CNTN3: variants seen among roughly 807,000 people sequenced by gnomAD.
CNTN3 encodes the protein contactin-3.
Under a neutral mutation model 119.1 loss-of-function variants are expected in CNTN3, and 60 were observed. That is an observed-to-expected ratio of 0.50 (90% confidence interval 0.41 to 0.62). The LOEUF (loss-of-function observed/expected upper bound fraction) is 0.62, where lower values mean the gene tolerates loss of function less well. Ranked by LOEUF, CNTN3 falls within the 20% of genes least tolerant of loss-of-function variation. The probability of loss-of-function intolerance (pLI) is 0.00; values close to 1 mark genes in which losing one functional copy is unlikely to be tolerated. For synonymous variants in CNTN3, 450 were observed against 438.7 expected (o/e 1.03, Z -0.32); for missense variants, 1,101 against 1,242.4 (o/e 0.89, Z 1.71).
chr3:74,444,676 T>G (rs1400227213), intron 4 of CNTN3, among the ~76,000 whole-genome samples: 1 of 152,168 alleles, frequency 6.6e-6, no homozygotes, highest in Non-Finnish European at 1.5e-5. Flanking sequence ...TAGCTTTATT[T>G]CTAATTGTCA....
At chr3:74,429,134 A>G (rs546438456) in intron 4 of CNTN3, among the ~76,000 whole-genome samples, 2 of 152,190 alleles carry the variant, frequency 1.3e-5, no homozygotes, top group East Asian at 3.9e-4. Flanking sequence ...TATAATTCTG[A>G]TCGAAATATC....
chr3:74,570,671 A>T (rs1704299286), intron 1 of CNTN3, among the ~76,000 whole-genome samples: 1 of 152,126 alleles, frequency 6.6e-6, no homozygotes, highest in Admixed American at 6.6e-5. Flanking sequence ...TTTATGTATC[A>T]TATTAACTCT....
chr3:74,489,582 A>AT (rs1169669079), intron 3 of CNTN3, among the ~76,000 whole-genome samples: 3 of 151,820 alleles, frequency 2.0e-5, no homozygotes, highest in African/African-American at 7.3e-5. Context: ...TGAAGCTCAC[A>AT]TTTTTTAGAT....
intron 4 of CNTN3, among the ~76,000 whole-genome samples, chr3:74,456,294 T>C (rs1702268392): frequency 6.6e-6 from 1 of 152,072 alleles, no homozygotes; most frequent in Non-Finnish European, 1.5e-5. Flanking sequence ...TTAGTTACTT[T>C]TAAACTGCTT....
intron 1 of CNTN3, among the ~76,000 whole-genome samples, chr3:74,609,971 G>C (rs1705052930): frequency 6.6e-6 from 1 of 152,112 alleles, no homozygotes. Context: ...GGAAATCAGA[G>C]AGCCCTCTCT....
At chr3:74,501,074 C>T (rs1703158622) in intron 2 of CNTN3, among the ~76,000 whole-genome samples, 1 of 151,946 alleles carries the variant, frequency 6.6e-6, no homozygotes, top group Admixed American at 6.6e-5. Flanking sequence ...TTGCCCTCAG[C>T]TTCCAGGAGG....
At chr3:74,315,814 G>A (rs767003115) in intron 13 of CNTN3, among the ~76,000 whole-genome samples, 39 of 152,048 alleles carry the variant, frequency 2.6e-4, no homozygotes, top group Non-Finnish European at 3.7e-4. Context: ...ATTAAGTCAC[G>A]ACGGATTAAA....
chr3:74,336,855 ATTGGATGACAAAAGATGCTCCACCAAT>A (rs1232542399), intron 11 of CNTN3, among the ~76,000 whole-genome samples, 197 bp from the exon 12 acceptor site: 1 of 152,000 alleles, frequency 6.6e-6, no homozygotes, highest in Non-Finnish European at 1.5e-5. Context: ...CACGCACAGC[ATTGGATGACAAAAGATGCTCCACCAAT>A]TTGAACTTTG....
chr3:74,470,581 G>C (rs906629648), intron 4 of CNTN3, among the ~76,000 whole-genome samples: 1 of 152,110 alleles, frequency 6.6e-6, no homozygotes, highest in Non-Finnish European at 1.5e-5. Context: ...ATTTCATCCA[G>C]GAGCATTTGG....
chr3:74,613,106 T>C (rs1705109447), intron 1 of CNTN3, among the ~76,000 whole-genome samples: 1 of 152,150 alleles, frequency 6.6e-6, no homozygotes, highest in African/African-American at 2.4e-5. Context: ...TATAAGCTCT[T>C]TCAAAGGCAA....
chr3:74,577,597 C>T (rs1273277805), intron 1 of CNTN3, among the ~76,000 whole-genome samples: 1 of 152,046 alleles, frequency 6.6e-6, no homozygotes, highest in Non-Finnish European at 1.5e-5. Flanking sequence ...TCCATATGTT[C>T]TCATTCACCC....
At chr3:74,344,296 C>G (rs1309381500) in intron 11 of CNTN3, among the ~76,000 whole-genome samples, 1 of 151,492 alleles carries the variant, frequency 6.6e-6, no homozygotes, top group Non-Finnish European at 1.5e-5. Flanking sequence ...TGAGTTCTTG[C>G]AAGATAGAAT....
Position 74,295,146 on chromosome 3 carries a change from C to T in CNTN3, c.2492G>A (p.Ser831Asn), listed in dbSNP as rs991249558. Residue 831 changes from serine to asparagine, a missense_variant, in exon 19 of 23, where the codon AGC (serine) becomes AAC (asparagine). Coordinates refer to ENST00000263665, the MANE Select transcript of CNTN3 (RefSeq NM_020872.3). ...VSWNTIPWKL[S>N]NGHLLGYEVR... Reference sequence around the variant, plus strand: ...CTCATAGCCCAGTAAATGTCCATTGCTCAACTTCCAAGGAATGGTGTTCCA... The same window carrying T: ...CTCATAGCCCAGTAAATGTCCATTGTTCAACTTCCAAGGAATGGTGTTCCA... The T allele has an allele frequency of 3.7e-6, 6 of 1,611,886 alleles. No homozygotes were observed. In the African/African-American group the frequency reaches 6.7e-5, roughly 18 times the overall value.
chr3:74,446,924 A>G (rs954039935), intron 4 of CNTN3, among the ~76,000 whole-genome samples: 2 of 152,150 alleles, frequency 1.3e-5, no homozygotes, highest in African/African-American at 4.8e-5. Context: ...TTCTGTACAA[A>G]TGTTCCATAT....
At chr3:74,449,771 T>C (rs1702113850) in intron 4 of CNTN3, among the ~76,000 whole-genome samples, 1 of 152,142 alleles carries the variant, frequency 6.6e-6, no homozygotes, top group African/African-American at 2.4e-5. Context: ...TGGTTTTCTA[T>C]CAAATACTCA....
In CNTN3 at chr3:74,397,371, C is replaced by T. The variant is rs536041635; in HGVS notation, c.455-25972G>A. ...CATACAAAGAGATAAATGCTGTTTACATGCCTGCAAATACATCTATTCTGC... is the reference window on the plus strand; with the variant it reads ...CATACAAAGAGATAAATGCTGTTTATATGCCTGCAAATACATCTATTCTGC... On this transcript the variant is annotated intron_variant, in intron 5 of 22. Coordinates refer to ENST00000263665, the MANE Select transcript of CNTN3 (RefSeq NM_020872.3). 2.4e-4 allele frequency among the ~76,000 whole-genome samples: 37 copies of T among 152,234 alleles called. 2 individuals are homozygous for T. In the South Asian group the frequency reaches 7.0e-3, roughly 29 times the overall value.
intron 1 of CNTN3, among the ~76,000 whole-genome samples, chr3:74,567,873 G>A (rs1005358349): frequency 3.3e-5 from 5 of 152,174 alleles, no homozygotes; most frequent in Middle Eastern, 3.4e-3. Context: ...ACTAGATTCC[G>A]CCTCCTTGAA....
chr3:74,351,106 G>A (rs1703802342), intron 11 of CNTN3, among the ~76,000 whole-genome samples: 1 of 152,102 alleles, frequency 6.6e-6, no homozygotes, highest in African/African-American at 2.4e-5. Flanking sequence ...GACATAAGTA[G>A]ATAAATAAAT....
intron 1 of CNTN3, among the ~76,000 whole-genome samples, chr3:74,577,659 CT>C (rs36016422): frequency 0.051 from 7,740 of 151,606 alleles, 278 homozygotes; most frequent in Non-Finnish European, 0.072. Flanking sequence ...AACCTATTGC[CT>C]TTTTTTTAAG....
Sources: allele counts gnomAD v4.1 joint callset (sites outside exome capture counted in the v4.1 genomes callset), GRCh38; gene constraint gnomAD v4.1.1; transcripts MANE v1.5; gene names NCBI Gene and HGNC (gene_info 2026-07-23, HGNC 2026-07-21).